The following COMMD1 variants were observed in gnomAD, a reference collection of about 807,000 sequenced individuals.
COMMD1 encodes the protein COMM domain-containing protein 1.
Under a neutral mutation model 17.2 loss-of-function variants are expected in COMMD1, and 10 were observed. That is an observed-to-expected ratio of 0.58 (90% confidence interval 0.36 to 0.99). The LOEUF is 0.99. COMMD1 is among the 50% of genes least tolerant of loss of function. The pLI, the probability that COMMD1 is intolerant of heterozygous loss-of-function variation, is 0.01. For missense variants in COMMD1, 270 were observed against 231.8 expected, an observed-to-expected ratio of 1.17 and a Z score of -1.07; for synonymous variants, 97 against 91.6, an observed-to-expected ratio of 1.06 and a Z score of -0.34.
intron 1 of COMMD1, among the ~76,000 whole-genome samples, chr2:61,982,769 A>T (rs752532180): frequency 3.0e-4 from 46 of 152,062 alleles, no homozygotes; most frequent in Non-Finnish European, 2.5e-4. Context: ...ATGTCTTTTC[A>T]CCATCAATTG....
At chr2:61,953,097 C>T (rs1284344196) in intron 1 of COMMD1, among the ~76,000 whole-genome samples, 1 of 151,986 alleles carries the variant, frequency 6.6e-6, no homozygotes, top group Non-Finnish European at 1.5e-5. Context: ...GAAACCTCCA[C>T]CTCCTGAGTT....
chr2:62,120,901 GTTTTTGTTTTTC>G (rs1328892562), intron 2 of COMMD1, among the ~76,000 whole-genome samples: 1 of 151,690 alleles, frequency 6.6e-6, no homozygotes, highest in Non-Finnish European at 1.5e-5. Flanking sequence ...TTTTGTTTTT[GTTTTTGTTTTTC>G]TTTTTGTTTT....
intron 2 of COMMD1, chr2:62,070,477 GT>G (rs1250560621): frequency 6.8e-6 from 1 of 147,796 alleles, no homozygotes; most frequent in Non-Finnish European, 1.5e-5. Context: ...GAGCTCAGGA[GT>G]TTGAGGCTTC....
At chr2:62,041,630 A>G (rs992647453) in intron 2 of COMMD1, among the ~76,000 whole-genome samples, 1 of 152,182 alleles carries the variant, frequency 6.6e-6, no homozygotes, top group South Asian at 2.1e-4. Context: ...AGCTCAAGCC[A>G]TCTGCCTCCC....
chr2:62,114,115 C>T (rs1216593325), intron 2 of COMMD1, among the ~76,000 whole-genome samples: 1 of 152,048 alleles, frequency 6.6e-6, no homozygotes. Flanking sequence ...TTCTAATTGA[C>T]AGAAGGAAAA....
intron 1 of COMMD1, among the ~76,000 whole-genome samples, chr2:61,917,978 TC>T (rs1670092792): frequency 1.3e-5 from 2 of 152,242 alleles, no homozygotes; most frequent in African/African-American, 2.4e-5. Context: ...CTTTTAGGTT[TC>T]ATTTGTATTC....
chr2:61,889,751 G>A (rs1013468716), intron 1 of COMMD1, among the ~76,000 whole-genome samples: 1 of 151,948 alleles, frequency 6.6e-6, no homozygotes, highest in Admixed American at 6.6e-5. Flanking sequence ...AATCAGGTCT[G>A]TCTAGTTACC....
intron 2 of COMMD1, among the ~76,000 whole-genome samples, chr2:62,027,375 A>T (rs1470260844): frequency 6.6e-6 from 1 of 152,220 alleles, no homozygotes; most frequent in Non-Finnish European, 1.5e-5. Context: ...AATGTTTATT[A>T]CAGCATAGGT....
In COMMD1 at chr2:61,986,789, G is replaced by C. The variant is rs1255186590; in HGVS notation, c.181-13912G>C. ...TTGCCATGTTGCCCAGGCTGGTCTT[G>C]AACTCCAGAGCTCAGGCAATCTGCC... On this transcript the variant is annotated intron_variant, in intron 1 of 2. Coordinates refer to ENST00000311832, the MANE Select transcript of COMMD1 (RefSeq NM_152516.4). 2.0e-5 allele frequency among the ~76,000 whole-genome samples: 3 copies of C among 151,938 alleles called. No individual in the cohort carries two copies. The South Asian group carries it at 6.2e-4, about 32-fold the overall frequency.
At chr2:61,897,467 A>G (rs1669572934) in intron 1 of COMMD1, among the ~76,000 whole-genome samples, 2 of 152,176 alleles carry the variant, frequency 1.3e-5, no homozygotes, top group African/African-American at 4.8e-5. Flanking sequence ...TTCCTTCTCT[A>G]CACTTCCCAA....
intron 1 of COMMD1, among the ~76,000 whole-genome samples, chr2:61,889,471 A>T (rs1046222211): frequency 6.6e-6 from 1 of 152,030 alleles, no homozygotes; most frequent in Non-Finnish European, 1.5e-5. Flanking sequence ...TCAGCGTTTC[A>T]AAGTACTGGG....
intron 1 of COMMD1, among the ~76,000 whole-genome samples, chr2:61,896,821 T>G (rs1440952565): frequency 2.1e-5 from 3 of 145,088 alleles, no homozygotes; most frequent in Non-Finnish European, 4.6e-5. Flanking sequence ...TTCCTTTTCT[T>G]TTTTTTTTTT....
chr2:62,034,088 CAAAAAAAAA>C (rs34439318), intron 2 of COMMD1, among the ~76,000 whole-genome samples: 5 of 62,560 alleles, frequency 8.0e-5, no homozygotes, highest in East Asian at 4.6e-4. Context: ...GACCCTGTCT[CAAAAAAAAA>C]AAAAAAAAAA....
intron 1 of COMMD1, among the ~76,000 whole-genome samples, chr2:61,898,122 G>C (rs768157699): frequency 2.0e-5 from 3 of 152,176 alleles, no homozygotes. Flanking sequence ...TTAAGGCAGA[G>C]ACAGTCATTC....
At chr2:62,027,408 G>C (rs1466055386) in intron 2 of COMMD1, among the ~76,000 whole-genome samples, 1 of 152,054 alleles carries the variant, frequency 6.6e-6, no homozygotes, top group Non-Finnish European at 1.5e-5. Flanking sequence ...AAGAAAAATT[G>C]CTTTTAGTAA....
intron 2 of COMMD1, among the ~76,000 whole-genome samples, chr2:62,131,872 A>G (rs1410140673): frequency 1.4e-5 from 2 of 144,002 alleles, no homozygotes; most frequent in East Asian, 4.1e-4. Context: ...ACACACACAC[A>G]CACACAAACA....
At chr2:62,096,656 T>C (rs115860176) in intron 2 of COMMD1, among the ~76,000 whole-genome samples, 1 of 152,356 alleles carries the variant, frequency 6.6e-6, no homozygotes, top group Non-Finnish European at 1.5e-5. Context: ...AATTGTTTTT[T>C]AGTTTTGGGC....
chr2:61,977,725 G>A (rs1364482254), intron 1 of COMMD1, among the ~76,000 whole-genome samples: 5 of 151,140 alleles, frequency 3.3e-5, no homozygotes, highest in Non-Finnish European at 7.4e-5. Flanking sequence ...GGTGGCTCAT[G>A]CCTGTAATCC....
At chr2:61,948,511 T>A (rs536640781) in intron 1 of COMMD1, among the ~76,000 whole-genome samples, 3 of 152,180 alleles carry the variant, frequency 2.0e-5, no homozygotes, top group African/African-American at 7.2e-5. Context: ...ATAATATATA[T>A]ACACATATAC....
Sources: gnomAD v4.1 joint callset for allele counts (sites outside exome capture counted in the v4.1 genomes callset) on GRCh38, gnomAD v4.1.1 for gene constraint, MANE v1.5 for transcripts, NCBI Gene and HGNC (gene_info 2026-07-23, HGNC 2026-07-21) for gene names.